ENTREP1: variants seen among roughly 807,000 people sequenced by gnomAD.
The protein encoded by ENTREP1 is Friedreich ataxia region gene X123.
chr9:69,373,480 T>G, the ENTREP1 span, among the ~76,000 whole-genome samples: 1 of 152,182 alleles, frequency 6.6e-6, no homozygotes, highest in African/African-American at 2.4e-5. Flanking sequence ...TGATTTTTTT[T>G]TAAATGAGGT....
the ENTREP1 span, among the ~76,000 whole-genome samples, chr9:69,369,382 G>C: frequency 1.3e-5 from 2 of 151,992 alleles, no homozygotes; most frequent in Admixed American, 1.3e-4. Flanking sequence ...GGAATTTCTG[G>C]TTCTAGATCC....
chr9:69,339,853 CTGAT>C, the ENTREP1 span, among the ~76,000 whole-genome samples: 5 of 152,350 alleles, frequency 3.3e-5, no homozygotes, highest in East Asian at 7.7e-4. Context: ...CCTGACCACT[CTGAT>C]TGCTGTGGCT....
the ENTREP1 span, chr9:69,382,862 C>T: frequency 1.4e-4 from 34 of 236,014 alleles, 1 homozygote; most frequent in Non-Finnish European, 6.9e-6. Context: ...AACAGACAAA[C>T]TTTTGTTCTC....
the ENTREP1 span, among the ~76,000 whole-genome samples, chr9:69,350,222 G>A: frequency 3.3e-5 from 5 of 152,040 alleles, 1 homozygote; most frequent in Non-Finnish European, 7.4e-5. Flanking sequence ...GTTTTGCTTA[G>A]GTCTTTCATT....
the ENTREP1 span, among the ~76,000 whole-genome samples, chr9:69,326,813 C>T: frequency 2.2e-5 from 2 of 92,956 alleles, no homozygotes; most frequent in Admixed American, 2.5e-4. Context: ...ATCCTCCTGC[C>T]TCGGCCTCCC....
the ENTREP1 span, chr9:69,379,847 G>T: frequency 9.2e-5 from 14 of 152,374 alleles, no homozygotes; most frequent in Admixed American, 2.6e-4. Flanking sequence ...CCAGCAGTGT[G>T]CTCTGAGCAC....
At chr9:69,388,286 A>T in the ENTREP1 span, 1 of 1,614,180 alleles carries the variant, frequency 6.2e-7, no homozygotes, top group Non-Finnish European at 8.5e-7. Context: ...GATAGATTAC[A>T]AATCCTACAT....
At chr9:69,340,786 TGC>T in the ENTREP1 span, among the ~76,000 whole-genome samples, 11 of 138,754 alleles carry the variant, frequency 7.9e-5, no homozygotes, top group African/African-American at 2.5e-4. Flanking sequence ...TATGTGTGTG[TGC>T]ATGTGTGTGT....
the ENTREP1 span, chr9:69,375,664 G>A: frequency 1.7e-6 from 2 of 1,211,750 alleles, no homozygotes; most frequent in African/African-American, 1.5e-5. Flanking sequence ...TACAGGATTG[G>A]TGCTCCATGG....
the ENTREP1 span, among the ~76,000 whole-genome samples, chr9:69,366,384 G>GTTTTTTTTTT: frequency 6.5e-5 from 8 of 122,992 alleles, 3 homozygotes; most frequent in African/African-American, 5.7e-5. Context: ...TTCCAACTGG[G>GTTTTTTTTTT]GTTTTTTTTT....
chr9:69,387,830 T>C, the ENTREP1 span: 1 of 1,183,684 alleles, frequency 8.4e-7, no homozygotes, highest in South Asian at 1.5e-5. Flanking sequence ...GGCCCATCCA[T>C]CCCCATCTAT....
chr9:69,356,491 A>G, the ENTREP1 span, among the ~76,000 whole-genome samples: 1 of 54,200 alleles, frequency 1.8e-5, no homozygotes, highest in Admixed American at 1.8e-4. Flanking sequence ...GTGGTTGGGG[A>G]GTCATGATCT....
At chr9:69,340,799 GCA>G in the ENTREP1 span, among the ~76,000 whole-genome samples, 1,834 of 71,870 alleles carry the variant, frequency 0.026, 42 homozygotes, top group African/African-American at 0.093. Flanking sequence ...ATGTGTGTGT[GCA>G]TGTGTGTGTG....
the ENTREP1 span, among the ~76,000 whole-genome samples, chr9:69,336,702 C>A: frequency 4.6e-5 from 7 of 151,966 alleles, no homozygotes; most frequent in Non-Finnish European, 1.0e-4. Flanking sequence ...TCTCTATATT[C>A]TTTTTATTTA....
At chr9:69,336,469 C>T in the ENTREP1 span, among the ~76,000 whole-genome samples, 3 of 152,066 alleles carry the variant, frequency 2.0e-5, no homozygotes, top group African/African-American at 4.8e-5. Flanking sequence ...ACTTTAAGCT[C>T]CTTAAGTACC....
chr9:69,385,448 G>A, the ENTREP1 span, among the ~76,000 whole-genome samples: 1 of 152,266 alleles, frequency 6.6e-6, no homozygotes, highest in East Asian at 1.9e-4. Flanking sequence ...ATGTCAGGGT[G>A]CTTTTCAGTA....
the ENTREP1 span, among the ~76,000 whole-genome samples, chr9:69,384,329 T>C: frequency 3.3e-5 from 5 of 152,336 alleles, no homozygotes; most frequent in Non-Finnish European, 1.5e-5. Flanking sequence ...TTAGGGCTTA[T>C]AAATGGGAGA....
At chr9:69,389,658 A>G in the ENTREP1 span, among the ~76,000 whole-genome samples, 20 of 152,184 alleles carry the variant, frequency 1.3e-4, no homozygotes, top group African/African-American at 2.9e-4. Context: ...TCCGGCCCCA[A>G]TAGCCCAATA....
chr9:69,369,594 CT>C, the ENTREP1 span, among the ~76,000 whole-genome samples: 461 of 145,060 alleles, frequency 3.2e-3, 1 homozygote, highest in Middle Eastern at 7.0e-3. Context: ...AGATGATGAG[CT>C]TTTTTTTTTT....
Sources: allele counts gnomAD v4.1 joint callset (sites outside exome capture counted in the v4.1 genomes callset), GRCh38; gene constraint gnomAD v4.1.1; transcripts MANE v1.5; gene names NCBI Gene and HGNC (gene_info 2026-07-23, HGNC 2026-07-21).